DLC1: variants seen among roughly 807,000 people sequenced by gnomAD.
DLC1 encodes rho GTPase-activating protein 7.
DLC1 carries 54 observed loss-of-function variants against 140.3 expected under a neutral mutation model. That is an observed-to-expected ratio of 0.38 (90% CI 0.31 to 0.48). The LOEUF (loss-of-function observed/expected upper bound fraction) is 0.48, where lower values mean the gene tolerates loss of function less well. Ranked by LOEUF, DLC1 falls within the 20% of genes least tolerant of loss-of-function variation. DLC1 has a pLI of 0.96. For synonymous variants in DLC1, 986 were observed against 728.1 expected, an observed-to-expected ratio of 1.35 and a Z score of -5.70; for missense variants, 2,536 against 1,907.0, an observed-to-expected ratio of 1.33 and a Z score of -6.14.
chr8:13,398,117 G>A (rs762858871), intron 3 of DLC1, among the ~76,000 whole-genome samples: 3 of 137,720 alleles, frequency 2.2e-5, no homozygotes, highest in Non-Finnish European at 4.7e-5. Context: ...GTGACAGAGC[G>A]AGAGTCCATC....
intron 5 of DLC1, among the ~76,000 whole-genome samples, chr8:13,226,870 C>T (rs1346169584): frequency 2.6e-5 from 4 of 152,190 alleles, no homozygotes; most frequent in African/African-American, 9.6e-5. Context: ...CTGGGTATAG[C>T]CTTGATTGGT....
chr8:13,164,705 C>A (rs1824975951), intron 5 of DLC1, among the ~76,000 whole-genome samples: 1 of 152,218 alleles, frequency 6.6e-6, no homozygotes, highest in South Asian at 2.1e-4. Context: ...GGAGAAAGCT[C>A]TTTCCTCTGT....
At chr8:13,245,935 C>G (rs986646979) in intron 5 of DLC1, among the ~76,000 whole-genome samples, 2 of 152,122 alleles carry the variant, frequency 1.3e-5, no homozygotes, top group African/African-American at 2.4e-5. Context: ...CTCCTGACCT[C>G]AAGTGATTCA....
At chr8:13,235,490 T>A (rs1829234245) in intron 5 of DLC1, among the ~76,000 whole-genome samples, 1 of 152,094 alleles carries the variant, frequency 6.6e-6, no homozygotes, top group South Asian at 2.1e-4. Context: ...CTTTCTTCAA[T>A]GTGTGATATT....
At chr8:13,366,466 A>G (rs951144149) in intron 4 of DLC1, among the ~76,000 whole-genome samples, 6 of 152,150 alleles carry the variant, frequency 3.9e-5, no homozygotes, top group Non-Finnish European at 8.8e-5. Context: ...GGTTAACACT[A>G]TGAGTGATAT....
At chr8:13,263,342 C>T (rs1233700296) in intron 5 of DLC1, among the ~76,000 whole-genome samples, 2 of 152,120 alleles carry the variant, frequency 1.3e-5, no homozygotes, top group Non-Finnish European at 2.9e-5. Context: ...TTCCTATCCT[C>T]AGCACCTACC....
chr8:13,097,898 A>G (rs1818640732), intron 10 of DLC1, among the ~76,000 whole-genome samples: 2 of 151,948 alleles, frequency 1.3e-5, no homozygotes, highest in African/African-American at 4.8e-5. Flanking sequence ...AAGAATATAG[A>G]GAGTGGCTGG....
intron 5 of DLC1, among the ~76,000 whole-genome samples, chr8:13,293,547 C>T (rs1303050809): frequency 6.6e-6 from 1 of 152,182 alleles, no homozygotes; most frequent in Non-Finnish European, 1.5e-5. Context: ...TGATTCAAAA[C>T]TATTTCTTGA....
At chr8:13,400,646 T>TTA (rs1837253001) in intron 3 of DLC1, among the ~76,000 whole-genome samples, 1 of 152,174 alleles carries the variant, frequency 6.6e-6, no homozygotes, top group Non-Finnish European at 1.5e-5. Context: ...GTGCTCAAAT[T>TTA]TATATATATG....
At chr8:13,334,604 C>T (rs1833744829) in intron 4 of DLC1, among the ~76,000 whole-genome samples, 1 of 152,126 alleles carries the variant, frequency 6.6e-6, no homozygotes, top group South Asian at 2.1e-4. Flanking sequence ...AAGAGGAAAA[C>T]ATCAGGAGTT....
chr8:13,575,642 C>A lies in DLC1; in HGVS notation c.-126+28895G>T, dbSNP rs567677730. Among the ~76,000 whole-genome samples, 3 of 152,218 alleles carry A rather than the reference C, an allele frequency of 2.0e-5. No homozygotes were observed. In the South Asian group the frequency reaches 6.2e-4, roughly 32 times the overall value. On this transcript the variant is annotated intron_variant, in intron 1 of 1. Transcript: ENST00000631382. ...ATTACAATTTATCCCTGTTGCTTGA[C>A]TGACGACTGAAATACATCATGTTTC...
chr8:13,254,884 C>T (rs957310475), intron 5 of DLC1, among the ~76,000 whole-genome samples: 1 of 152,064 alleles, frequency 6.6e-6, no homozygotes, highest in Non-Finnish European at 1.5e-5. Context: ...TTAAGGGCAC[C>T]GATCCTGGAA....
At chr8:13,147,289 A>G (rs973657601) in intron 5 of DLC1, among the ~76,000 whole-genome samples, 5 of 152,196 alleles carry the variant, frequency 3.3e-5, no homozygotes, top group Non-Finnish European at 5.9e-5. Context: ...ATGAATGATG[A>G]ATGAAGCACC....
At chr8:13,151,382 T>C (rs996353914) in intron 5 of DLC1, among the ~76,000 whole-genome samples, 1 of 152,208 alleles carries the variant, frequency 6.6e-6, no homozygotes, top group Non-Finnish European at 1.5e-5. Context: ...CACCGTTTTA[T>C]GGATGAGGAA....
chr8:13,301,580 C>T (rs978107596), intron 5 of DLC1, among the ~76,000 whole-genome samples: 1 of 152,160 alleles, frequency 6.6e-6, no homozygotes, highest in African/African-American at 2.4e-5. Flanking sequence ...AGTTAAGTGA[C>T]TTGCTCAAGG....
Position 13,397,041 on chromosome 8 carries a change from C to T in DLC1, c.1174-3348G>A, listed in dbSNP as rs140459580. On this transcript the variant is annotated intron_variant, in intron 3 of 17. Coordinates refer to ENST00000276297, the MANE Select transcript of DLC1 (RefSeq NM_182643.3). The stretch of plus-strand genomic sequence containing the variant: ...ACCCTATGCCTCCAGTTATGCCATT[C>T]TTTGGGAATATAGAGCTCTCTGTGG... Among the ~76,000 whole-genome samples the T allele has an allele frequency of 2.8e-3, 420 of 151,472 alleles. 2 individuals are homozygous for T. The highest frequency in any genetic ancestry group is 9.9e-3 in the African/African-American group (409 of 41,352).
intron 1 of DLC1, among the ~76,000 whole-genome samples, chr8:13,589,691 T>G (rs940961391): frequency 4.6e-3 from 40 of 8,700 alleles, no homozygotes; most frequent in South Asian, 0.014. Context: ...AATGCTCTGT[T>G]TTTTTTTTTT....
intron 5 of DLC1, among the ~76,000 whole-genome samples, chr8:13,177,473 G>T (rs770683284): frequency 3.3e-5 from 5 of 152,114 alleles, no homozygotes; most frequent in Admixed American, 6.6e-5. Context: ...TGAGTGTATT[G>T]TTTATAGAAT....
chr8:13,394,232 G>A (rs1055850229), intron 3 of DLC1, among the ~76,000 whole-genome samples: 2 of 152,194 alleles, frequency 1.3e-5, no homozygotes, highest in African/African-American at 2.4e-5. Flanking sequence ...CTAATAAACT[G>A]AGGGCAGGAA....
Sources: gnomAD v4.1 joint callset for allele counts (sites outside exome capture counted in the v4.1 genomes callset) on GRCh38, gnomAD v4.1.1 for gene constraint, MANE v1.5 for transcripts, NCBI Gene and HGNC (gene_info 2026-07-23, HGNC 2026-07-21) for gene names.